GNAL: variants seen among roughly 807,000 people sequenced by gnomAD.
The protein encoded by GNAL is guanine nucleotide-binding protein G(olf) subunit alpha.
A neutral mutation model predicts 55.1 loss-of-function variants in GNAL; 18 were observed. That is an observed-to-expected ratio of 0.33 (90% CI 0.23 to 0.48). The LOEUF is 0.48. Among genes scored for constraint, GNAL ranks in the 20% least tolerant of loss-of-function variants. GNAL has a pLI of 0.99. For synonymous variants in GNAL, 253 were observed against 237.0 expected (o/e 1.07, Z -0.62); for missense variants, 412 against 614.1 (o/e 0.67, Z 3.48).
rs149278490 is a variant in GNAL, at chr18:11,695,785, C to T, written c.376+5846C>T. Among the ~76,000 whole-genome samples, 430 of 152,204 alleles carry T rather than the reference C, an allele frequency of 2.8e-3. 2 individuals carry two copies. The highest frequency in any genetic ancestry group is 0.01 in the African/African-American group (416 of 41,542). On this transcript the variant is annotated intron_variant, in intron 1 of 11. Transcript: ENST00000334049. ...ATTTCTCTGTCTGGAATACATCTTT[C>T]AAGAAGGAAGCAATCTCTTTGGGAC...
rs1291412198 is a variant in GNAL, at chr18:11,804,722, G to C, written c.625-20196G>C. On this transcript the variant is annotated intron_variant, in intron 4 of 11. Transcript: ENST00000334049. ...CTGTGTAGTGGTGAAGTACAGGAGC[G>C]GTTTGAGTGGGACACGGAGATACTG... Among the ~76,000 whole-genome samples the C allele has an allele frequency of 1.7e-5, 2 of 120,410 alleles. 1 individual carries two copies. The highest frequency in any genetic ancestry group is 6.2e-4 in the South Asian group (2 of 3,234). 79.0% of individuals were successfully genotyped at this position (120,410 alleles called of 152,430 possible).
At chr18:11,750,712 G>A (rs1027865412) in intron 1 of GNAL, among the ~76,000 whole-genome samples, 7 of 152,196 alleles carry the variant, frequency 4.6e-5, no homozygotes, top group African/African-American at 1.7e-4. Context: ...GTACTGAGGT[G>A]GGAGCAGCAG....
At chr18:11,842,540 C>T (rs142701967) in intron 5 of GNAL, among the ~76,000 whole-genome samples, 229 of 152,060 alleles carry the variant, frequency 1.5e-3, no homozygotes, top group Middle Eastern at 0.01. Context: ...ATGGTCCCAT[C>T]TGGGGGTGAT....
chr18:11,753,346 C>T (rs753572557), intron 2 of GNAL, among the ~76,000 whole-genome samples: 1 of 152,140 alleles, frequency 6.6e-6, no homozygotes, highest in Admixed American at 6.5e-5. Context: ...TATGCAATAT[C>T]CATAGCGATT....
At chr18:11,846,464 TAC>T (rs57334090) in intron 5 of GNAL, among the ~76,000 whole-genome samples, 5,542 of 140,046 alleles carry the variant, frequency 0.04, 251 homozygotes, top group East Asian at 0.18. Context: ...TATATAAATA[TAC>T]ACACACACAC....
At position 11,883,167 on chromosome 18, in the gene GNAL, A is replaced by ATC. The variant is rs2036755862; in HGVS notation, c.*2032_*2033insTC. The ATC allele has an allele frequency of 6.9e-6, 1 of 145,674 alleles. No individual in the cohort carries two copies. Among genetic ancestry groups the ATC allele is most frequent in the Non-Finnish European group, 1.5e-5 (1 of 67,084 alleles). 9.0% of individuals were successfully genotyped at this position (145,674 alleles called of 1,614,324 possible). On this transcript the variant is annotated 3_prime_UTR_variant, in exon 12 of 12. Coordinates refer to ENST00000334049, the MANE Select transcript of GNAL (RefSeq NM_182978.4). ...TGCTACTTTTTCATGAAGAAAGGAT[A>ATC]ACTTTATAGACAGTCAGTGCAACAC... is the stretch of plus-strand genomic sequence containing the variant.
chr18:11,734,148 CTTTTT>C (rs545091797), intron 1 of GNAL, among the ~76,000 whole-genome samples: 1 of 137,192 alleles, frequency 7.3e-6, no homozygotes, highest in Admixed American at 7.3e-5. Context: ...TTTTCTTTTT[CTTTTT>C]TTTTTTTTTT....
At chr18:11,748,112 G>A (rs2032732086) in intron 1 of GNAL, among the ~76,000 whole-genome samples, 2 of 152,302 alleles carry the variant, frequency 1.3e-5, no homozygotes, top group South Asian at 4.1e-4. Context: ...ACTAGAAAAA[G>A]GTCAGGTGAT....
In GNAL at chr18:11,782,401, A is replaced by C. The variant is rs1418012888; in HGVS notation, c.624+28456A>C. Among the ~76,000 whole-genome samples the C allele has an allele frequency of 4.6e-5, 7 of 152,226 alleles. No homozygotes were observed. The East Asian group carries it at 1.3e-3, about 29-fold the overall frequency. ...ATCTCAGTATCATAATGTTGAATGA[A>C]GAACTCAAGTGTTAAAAGATTACAT... On this transcript the variant is annotated intron_variant, in intron 4 of 11. Coordinates refer to ENST00000334049, the MANE Select transcript of GNAL (RefSeq NM_182978.4).
At position 11,689,691 on chromosome 18, in the gene GNAL, C is replaced by A; in HGVS notation, c.128C>A (p.Ala43Glu). ...GCCCCGGCCCTGGCCCCAGTCCGGG[C>A]GGCCGCAAGGGACACGGCCCGGACC... Reference protein sequence around the residue: ...APAPALAPVRAAARDTARTLL... With the variant: ...APAPALAPVREAARDTARTLL... Residue 43 changes from alanine (A) to glutamate (E), a missense_variant, in exon 1 of 12, where the codon GCG (alanine) becomes GAG (glutamate). Coordinates refer to ENST00000334049, the MANE Select transcript of GNAL (RefSeq NM_182978.4). The A allele has an allele frequency of 6.8e-7, 1 of 1,466,752 alleles. No individual in the cohort carries two copies. The highest frequency in any genetic ancestry group is 1.3e-5 in the South Asian group (1 of 76,750). 90.9% of individuals were successfully genotyped at this position (1,466,752 alleles called of 1,614,324 possible).
intron 11 of GNAL, among the ~76,000 whole-genome samples, chr18:11,877,263 G>A (rs1448087617): frequency 1.3e-5 from 2 of 152,138 alleles, no homozygotes; most frequent in South Asian, 2.1e-4. Context: ...AGACTAGCCT[G>A]GCCAACATGG....
At chr18:11,718,307 C>T (rs1477683344) in intron 1 of GNAL, among the ~76,000 whole-genome samples, 2 of 152,020 alleles carry the variant, frequency 1.3e-5, no homozygotes, top group African/African-American at 4.8e-5. Context: ...AAATGACCGG[C>T]ATTTATCGTT....
intron 5 of GNAL, among the ~76,000 whole-genome samples, chr18:11,849,589 T>TC (rs746694871): frequency 1.9e-4 from 28 of 151,198 alleles, no homozygotes; most frequent in Admixed American, 5.3e-4. Context: ...GTTTGCAAAC[T>TC]CCAAGAAAAA....
chr18:11,805,339 G>A (rs1284752683), intron 4 of GNAL, among the ~76,000 whole-genome samples: 8 of 152,098 alleles, frequency 5.3e-5, no homozygotes, highest in Non-Finnish European at 8.8e-5. Flanking sequence ...TGAGGTACAC[G>A]TGCAATTTGG....
chr18:11,768,921 A>G (rs2033507908), intron 4 of GNAL, among the ~76,000 whole-genome samples: 1 of 133,672 alleles, frequency 7.5e-6, no homozygotes, highest in Non-Finnish European at 1.6e-5. Flanking sequence ...TATATATAAC[A>G]TATTATTATA....
intron 5 of GNAL, among the ~76,000 whole-genome samples, chr18:11,861,503 C>A (rs2036136915): frequency 6.6e-6 from 1 of 152,210 alleles, no homozygotes; most frequent in South Asian, 2.1e-4. Flanking sequence ...AAGACAGAGA[C>A]CTGCCCTGAG....
intron 5 of GNAL, chr18:11,852,683 G>A (rs1348304529): frequency 6.1e-6 from 1 of 164,880 alleles, no homozygotes; most frequent in Non-Finnish European, 1.5e-5. Context: ...ATTAATAAAT[G>A]TGGTCCTATA....
Position 11,884,520 on chromosome 18 carries a change from T to A in GNAL, c.*3385T>A. Reference sequence around the variant, plus strand: ...AGGCTAGAAGCCCAAAGTGAGTGAGTGTGAGGACCACAAGGAAGCCCACCA... The same window carrying A: ...AGGCTAGAAGCCCAAAGTGAGTGAGAGTGAGGACCACAAGGAAGCCCACCA... On this transcript the variant is annotated 3_prime_UTR_variant, in exon 12 of 12. Coordinates refer to ENST00000334049, the MANE Select transcript of GNAL (RefSeq NM_182978.4). 6.2e-7 allele frequency: 1 copy of A among 1,614,032 alleles called. No individual in the cohort carries two copies.
intron 1 of GNAL, chr18:11,746,988 CAGAT>C: frequency 3.9e-6 from 2 of 515,658 alleles, no homozygotes; most frequent in South Asian, 2.9e-5. Context: ...TGGAAGAACA[CAGAT>C]AGCATGGTGA....
Sources: allele counts gnomAD v4.1 joint callset (sites outside exome capture counted in the v4.1 genomes callset), GRCh38; gene constraint gnomAD v4.1.1; transcripts MANE v1.5; gene names NCBI Gene and HGNC (gene_info 2026-07-23, HGNC 2026-07-21).